The following NAF1 variants were observed in gnomAD, a reference collection of about 807,000 sequenced individuals.
NAF1 encodes the protein nuclear assembly factor 1 ribonucleoprotein.
A neutral mutation model predicts 40.6 loss-of-function variants in NAF1; 11 were observed. That is an observed-to-expected ratio of 0.27 (90% CI 0.17 to 0.45). The LOEUF is 0.45. NAF1 is among the 20% of genes least tolerant of loss of function. The pLI, the probability that NAF1 is intolerant of heterozygous loss-of-function variation, is 1.00. For missense variants in NAF1, 607 were observed against 611.1 expected (o/e 0.99, Z 0.07); for synonymous variants, 260 against 228.5 (o/e 1.14, Z -1.24).
intron 4 of NAF1, among the ~76,000 whole-genome samples, chr4:163,140,994 T>C (rs1049038473): frequency 6.6e-6 from 1 of 152,252 alleles, no homozygotes; most frequent in East Asian, 1.9e-4. Context: ...ATTTTACTTC[T>C]GAAAACGTTT....
downstream of NAF1, among the ~76,000 whole-genome samples, chr4:163,109,668 TA>T (rs1730108126): frequency 1.3e-5 from 2 of 152,114 alleles, no homozygotes; most frequent in Admixed American, 1.3e-4. Flanking sequence ...CCTCACAGCC[TA>T]AAAAAAGAAT....
chr4:163,155,732 A>C (rs1731959661), intron 2 of NAF1, among the ~76,000 whole-genome samples: 1 of 152,186 alleles, frequency 6.6e-6, no homozygotes, highest in Non-Finnish European at 1.5e-5. Flanking sequence ...ATCTCCTTTA[A>C]GGAAATAAAA....
At chr4:163,131,402 A>G (rs1025554081) in intron 7 of NAF1, among the ~76,000 whole-genome samples, 1 of 152,164 alleles carries the variant, frequency 6.6e-6, no homozygotes, top group African/African-American at 2.4e-5. Flanking sequence ...AAAAACAGAC[A>G]AAAACAAAAA....
At chr4:163,159,396 T>A (rs772253044) in intron 2 of NAF1, among the ~76,000 whole-genome samples, 4 of 152,098 alleles carry the variant, frequency 2.6e-5, no homozygotes, top group Non-Finnish European at 5.9e-5. Context: ...AAAATAGAAT[T>A]TAATAGTTCC....
At chr4:163,124,401 A>G (rs1488968126), downstream of NAF1, among the ~76,000 whole-genome samples, 1 of 150,582 alleles carries the variant, frequency 6.6e-6, no homozygotes, top group East Asian at 2.0e-4. Context: ...AGCCCCTTTT[A>G]TAAGGCACTA....
chr4:163,122,577 A>T (rs1178159666), downstream of NAF1, among the ~76,000 whole-genome samples: 5 of 152,248 alleles, frequency 3.3e-5, no homozygotes, highest in Non-Finnish European at 7.3e-5. Context: ...ATATGACTTA[A>T]CTACATGGCT....
At chr4:163,150,966 A>G (rs1731676674) in intron 2 of NAF1, among the ~76,000 whole-genome samples, 2 of 152,126 alleles carry the variant, frequency 1.3e-5, no homozygotes, top group Non-Finnish European at 2.9e-5. Context: ...ATAAAATAGT[A>G]TCTTGCTTTA....
At chr4:163,146,880 T>G (rs772751699) in intron 3 of NAF1, among the ~76,000 whole-genome samples, 1 of 152,212 alleles carries the variant, frequency 6.6e-6, no homozygotes, top group African/African-American at 2.4e-5. Flanking sequence ...TCAGTCTATG[T>G]TAGTCAAAAT....
downstream of NAF1, among the ~76,000 whole-genome samples, chr4:163,124,768 T>C (rs1365313086): frequency 6.6e-6 from 1 of 152,216 alleles, no homozygotes; most frequent in African/African-American, 2.4e-5. Flanking sequence ...TTTCTGTAGA[T>C]AGTAAACATC....
chr4:163,153,155 C>T (rs1332814511), intron 2 of NAF1, among the ~76,000 whole-genome samples: 1 of 152,204 alleles, frequency 6.6e-6, no homozygotes, highest in East Asian at 1.9e-4. Flanking sequence ...CTGTGCAGCC[C>T]GAGCCTCCCG....
At chr4:163,141,515 G>T (rs1187402806) in intron 4 of NAF1, among the ~76,000 whole-genome samples, 4 of 151,758 alleles carry the variant, frequency 2.6e-5, no homozygotes, top group Non-Finnish European at 4.4e-5. Context: ...TATATTCTTT[G>T]TAAGTATAAT....
chr4:163,155,133 T>C (rs1185860235), intron 2 of NAF1, among the ~76,000 whole-genome samples: 2 of 152,204 alleles, frequency 1.3e-5, no homozygotes, highest in Non-Finnish European at 2.9e-5. Flanking sequence ...TCACCATCTC[T>C]TTTTCAACTA....
intron 6 of NAF1, 127 bp from the exon 7 acceptor site, chr4:163,133,383 A>G: frequency 1.6e-6 from 1 of 619,642 alleles, no homozygotes; most frequent in East Asian, 2.8e-5. Flanking sequence ...TCTTTTTGAT[A>G]CTTAATATTT....
intron 2 of NAF1, among the ~76,000 whole-genome samples, chr4:163,117,719 G>A (rs73864537): frequency 0.15 from 10,100 of 67,910 alleles, 416 homozygotes; most frequent in Non-Finnish European, 0.18. Context: ...ACACACACAC[G>A]CATGAATACA....
downstream of NAF1, among the ~76,000 whole-genome samples, chr4:163,127,961 T>C (rs1471986229): frequency 6.6e-6 from 1 of 152,220 alleles, no homozygotes; most frequent in African/African-American, 2.4e-5. Flanking sequence ...GTGATCTTAG[T>C]TAAATTATTT....
intron 3 of NAF1, 125 bp from the exon 4 acceptor site, chr4:163,145,989 AC>A: frequency 1.8e-6 from 1 of 540,744 alleles, no homozygotes; most frequent in Non-Finnish European, 3.2e-6. Flanking sequence ...TACCTCATTA[AC>A]CATTTTCTCT....
chr4:163,114,268 G>A (rs962871140), intron 2 of NAF1, among the ~76,000 whole-genome samples: 7 of 152,198 alleles, frequency 4.6e-5, no homozygotes, highest in Non-Finnish European at 1.0e-4. Context: ...GCACTTAGTA[G>A]TCAGCAGGTC....
intron 2 of NAF1, chr4:163,158,383 A>G (rs887457127): frequency 1.3e-5 from 2 of 152,088 alleles, no homozygotes; most frequent in South Asian, 2.1e-4. Flanking sequence ...TGTGTCAACT[A>G]TGACCATACT....
rs753226636 is a variant in NAF1, at chr4:163,129,195, T to C, written c.1187A>G (p.Tyr396Cys). 3.2e-5 allele frequency: 52 copies of C among 1,613,924 alleles called. 1 individual carries two copies. The highest frequency in any genetic ancestry group is 1.8e-4 in the South Asian group (16 of 91,082). The change falls in exon 8 of 8, where the codon TAT becomes TGT. Residue 396 changes from tyrosine (Y) to cysteine (C), a missense_variant. Around this residue, in one of 3 missense-constraint regions of NAF1, gnomAD observed 189 missense variants for 216.6 expected, o/e 0.87. Transcript: ENST00000274054. Reference sequence around the variant, plus strand: ...CTGAGATACCATATGTTCTGAGTTATAGAAATGCTGAGGTGGAGGCCTGCC... The same window carrying C: ...CTGAGATACCATATGTTCTGAGTTACAGAAATGCTGAGGTGGAGGCCTGCC... Reference protein sequence around the residue: ...CHGRPPPQHFYNSEHMVSQET... With the variant: ...CHGRPPPQHFCNSEHMVSQET...
Sources: allele counts gnomAD v4.1 joint callset (sites outside exome capture counted in the v4.1 genomes callset), GRCh38; gene constraint gnomAD v4.1.1; regional missense constraint gnomAD v4.1.1; transcripts MANE v1.5; gene names NCBI Gene and HGNC (gene_info 2026-07-23, HGNC 2026-07-21).